Variants in PTPN4 observed in about 807,000 individuals in gnomAD.
PTPN4 encodes the protein protein tyrosine phosphatase non-receptor type 4.
A neutral mutation model predicts 135.5 loss-of-function variants in PTPN4; 49 were observed. The observed-to-expected ratio is 0.36, with a 90% CI of 0.29 to 0.46. PTPN4 has a LOEUF of 0.46. PTPN4 is among the 20% of genes least tolerant of loss of function. The probability of loss-of-function intolerance (pLI) is 1.00; values close to 1 mark genes in which losing one functional copy is unlikely to be tolerated. For missense variants in PTPN4, 860 were observed against 1,101.0 expected (o/e 0.78, Z 3.10); for synonymous variants, 333 against 369.9 (o/e 0.90, Z 1.14).
At chr2:119,832,660 A>T (rs1283052353) in intron 2 of PTPN4, among the ~76,000 whole-genome samples, 1 of 151,938 alleles carries the variant, frequency 6.6e-6, no homozygotes, top group Non-Finnish European at 1.5e-5. Context: ...ATACTTGTAT[A>T]TCTTTTTCTC....
At chr2:119,820,048 A>G (rs1677042686) in intron 2 of PTPN4, among the ~76,000 whole-genome samples, 1 of 152,052 alleles carries the variant, frequency 6.6e-6, no homozygotes, top group Non-Finnish European at 1.5e-5. Flanking sequence ...TTCTTTAGAG[A>G]CGAAGTCTCA....
chr2:119,975,999 A>T (rs1242361483), intron 26 of PTPN4, among the ~76,000 whole-genome samples: 1,344 of 117,536 alleles, frequency 0.011, 26 homozygotes, highest in African/African-American at 0.038. Context: ...TTATTTATTT[A>T]TTTTTTTTTT....
At chr2:119,889,425 G>T (rs1162898409) in intron 9 of PTPN4, among the ~76,000 whole-genome samples, 1 of 150,600 alleles carries the variant, frequency 6.6e-6, no homozygotes, top group Non-Finnish European at 1.5e-5. Flanking sequence ...GTCTCAAAAA[G>T]AAAAAAAAAG....
At chr2:119,783,609 A>T (rs992098015) in intron 1 of PTPN4, among the ~76,000 whole-genome samples, 1 of 152,230 alleles carries the variant, frequency 6.6e-6, no homozygotes, top group Non-Finnish European at 1.5e-5. Flanking sequence ...AATCATTATG[A>T]TATGGTGGAA....
chr2:119,937,997 T>C (rs888917166), intron 15 of PTPN4, among the ~76,000 whole-genome samples: 1 of 152,022 alleles, frequency 6.6e-6, no homozygotes, highest in Non-Finnish European at 1.5e-5. Context: ...AAGCAAGTTA[T>C]TTTTGGTAAA....
intron 2 of PTPN4, among the ~76,000 whole-genome samples, chr2:119,851,798 T>G (rs1558745026): frequency 6.6e-6 from 1 of 152,192 alleles, no homozygotes; most frequent in Admixed American, 6.5e-5. Context: ...TGTCTGTCCC[T>G]GCCTCCGGCT....
At chr2:119,827,301 AG>A (rs1470162531) in intron 2 of PTPN4, among the ~76,000 whole-genome samples, 4 of 152,238 alleles carry the variant, frequency 2.6e-5, no homozygotes, top group Admixed American at 6.5e-5. Flanking sequence ...TAACCTTTAA[AG>A]GAAGGCAAAG....
rs145604423 is a variant in PTPN4, at chr2:119,932,188, CTTA to C, written c.1071-233_1071-231del. The C allele has an allele frequency of 2.7e-3, 692 of 259,026 alleles. 7 individuals are homozygous for C. The highest frequency in any genetic ancestry group is 1.9e-3 in the Non-Finnish European group (258 of 137,924). The allele number at this position is 259,026 out of a possible 1,614,324, so 16.0% of individuals were successfully genotyped here. A position where few individuals can be genotyped will look rare whatever the true frequency, so the allele number is the denominator to read the frequency against. On this transcript the variant is annotated intron_variant, in intron 13 of 26. Coordinates refer to ENST00000263708, the MANE Select transcript of PTPN4 (RefSeq NM_002830.4). ...TGTTTCTTCTGTTTTTCTCATCCTTCTTATTGTCTATCTTACTCTTCCTAGCCT... is the reference window on the plus strand; with the variant it reads ...TGTTTCTTCTGTTTTTCTCATCCTTCTTGTCTATCTTACTCTTCCTAGCCT...
chr2:119,888,706 A>G (rs1678195237), intron 9 of PTPN4, among the ~76,000 whole-genome samples: 1 of 152,132 alleles, frequency 6.6e-6, no homozygotes, highest in Non-Finnish European at 1.5e-5. Context: ...TTATCTTTCT[A>G]ACATGCTGTT....
At chr2:119,891,052 TG>T (rs1375554265) in intron 9 of PTPN4, among the ~76,000 whole-genome samples, 1 of 152,230 alleles carries the variant, frequency 6.6e-6, no homozygotes, top group African/African-American at 2.4e-5. Flanking sequence ...CTGATTATAA[TG>T]TTCCATGCAG....
chr2:119,927,676 G>A, intron 13 of PTPN4, among the ~76,000 whole-genome samples: 1 of 152,216 alleles, frequency 6.6e-6, no homozygotes, highest in Non-Finnish European at 1.5e-5. Flanking sequence ...AGGTGTGTTA[G>A]AGACAAGAGT....
At chr2:119,863,360 T>C (rs1212674840) in intron 3 of PTPN4, among the ~76,000 whole-genome samples, 1 of 152,158 alleles carries the variant, frequency 6.6e-6, no homozygotes, top group African/African-American at 2.4e-5. Flanking sequence ...TATATGCTTA[T>C]ACAGTGAGGG....
rs1211120685 is a variant in PTPN4 at position 119,856,996 on chromosome 2, A to C, written c.139-5540A>C. 4.6e-5 allele frequency among the ~76,000 whole-genome samples: 7 copies of C among 152,168 alleles called. No homozygotes were observed. In the East Asian group the frequency reaches 1.3e-3, roughly 29 times the overall value. ...AAAAGTATTTGGTGAGGTAGGGGTG[A>C]GACTGAGTAAAATGAGTAGTTCTTA... On this transcript the variant is annotated intron_variant, in intron 2 of 26. Coordinates refer to ENST00000263708, the MANE Select transcript of PTPN4 (RefSeq NM_002830.4).
intron 1 of PTPN4, among the ~76,000 whole-genome samples, chr2:119,770,630 C>G: frequency 6.6e-6 from 1 of 151,914 alleles, no homozygotes; most frequent in East Asian, 1.9e-4. Context: ...TAAAATATAC[C>G]TTGGAGATCA....
intron 10 of PTPN4, among the ~76,000 whole-genome samples, chr2:119,906,987 C>G (rs191744877): frequency 5.3e-4 from 81 of 152,234 alleles, no homozygotes; most frequent in African/African-American, 1.9e-3. Context: ...AATTAATGTA[C>G]AAACATCTGT....
chr2:119,784,995 T>C (rs1691021937), intron 1 of PTPN4, among the ~76,000 whole-genome samples: 1 of 152,178 alleles, frequency 6.6e-6, no homozygotes, highest in East Asian at 1.9e-4. Flanking sequence ...CTTCCTCTTA[T>C]ACTGTTTGTT....
At chr2:119,958,351 A>C (rs1679319683) in intron 22 of PTPN4, among the ~76,000 whole-genome samples, 1 of 151,422 alleles carries the variant, frequency 6.6e-6, no homozygotes, top group Admixed American at 6.6e-5. Flanking sequence ...AAGAACAATG[A>C]AAATAATGGA....
At chr2:119,948,646 TC>T (rs1159200727) in intron 18 of PTPN4, among the ~76,000 whole-genome samples, 1 of 152,176 alleles carries the variant, frequency 6.6e-6, no homozygotes, top group Non-Finnish European at 1.5e-5. Flanking sequence ...CAGTATGGTT[TC>T]TAACAGTTTA....
intron 2 of PTPN4, among the ~76,000 whole-genome samples, chr2:119,838,062 C>T (rs111409372): frequency 5.9e-5 from 9 of 152,198 alleles, no homozygotes; most frequent in African/African-American, 2.2e-4. Flanking sequence ...ACAGGAAGGC[C>T]GTTTAATTCA....
Sources: gnomAD v4.1 joint callset for allele counts (sites outside exome capture counted in the v4.1 genomes callset) on GRCh38, gnomAD v4.1.1 for gene constraint, MANE v1.5 for transcripts, NCBI Gene and HGNC (gene_info 2026-07-23, HGNC 2026-07-21) for gene names.